Variants in DIAPH2 observed in about 807,000 individuals in gnomAD.
DIAPH2 encodes protein diaphanous homolog 2.
A neutral mutation model predicts 92.7 loss-of-function variants in DIAPH2; 35 were observed. That is an observed-to-expected ratio of 0.38 (90% CI 0.29 to 0.50). The LOEUF is 0.50. Among genes scored for constraint, DIAPH2 ranks in the 20% least tolerant of loss-of-function variants. DIAPH2 has a pLI of 0.94. For synonymous variants in DIAPH2, 301 were observed against 280.4 expected, an observed-to-expected ratio of 1.07 and a Z score of -0.73; for missense variants, 701 against 819.5, an observed-to-expected ratio of 0.86 and a Z score of 1.77.
At chrX:96,754,923 CAAAAAAAAAAAAA>C (rs1007573600) in intron 3 of DIAPH2, among the ~76,000 whole-genome samples, 5 of 16,007 alleles carry the variant, frequency 3.1e-4, no homozygotes, top group Non-Finnish European at 5.4e-4. Flanking sequence ...GTCTCCACCT[CAAAAAAAAAAAAA>C]AAAAAAAAAA....
chrX:96,773,488 C>T (rs2064354382), intron 4 of DIAPH2, among the ~76,000 whole-genome samples: 1 of 110,903 alleles, frequency 9.0e-6, no homozygotes, highest in Non-Finnish European at 1.9e-5. Context: ...CATCTGTAAG[C>T]CAAGGAGGGA....
At chrX:97,059,621 T>G (rs934152990) in intron 17 of DIAPH2, among the ~76,000 whole-genome samples, 3 of 112,654 alleles carry the variant, frequency 2.7e-5, no homozygotes, top group Non-Finnish European at 5.6e-5. Flanking sequence ...CTTTATATTG[T>G]ATTTTACATG....
At chrX:96,815,960 C>T (rs1356521047) in intron 4 of DIAPH2, among the ~76,000 whole-genome samples, 4 of 111,548 alleles carry the variant, frequency 3.6e-5, no homozygotes, top group East Asian at 2.8e-4. Context: ...CGTGAGCCAC[C>T]GCGCCTGGCC....
At chrX:97,011,344 T>G (rs2066224086) in intron 17 of DIAPH2, among the ~76,000 whole-genome samples, 1 of 111,874 alleles carries the variant, frequency 8.9e-6, no homozygotes, top group Non-Finnish European at 1.9e-5. Flanking sequence ...CAAAAAAATT[T>G]TGAGGATCTG....
At chrX:96,685,342 C>A in intron 1 of DIAPH2, 152 bp downstream of exon 1, 1 of 636,162 alleles carries the variant, frequency 1.6e-6, no homozygotes, top group Non-Finnish European at 2.1e-6. Flanking sequence ...GTGGCCACGC[C>A]GAGGCGCGGA....
intron 1 of DIAPH2, among the ~76,000 whole-genome samples, chrX:96,731,790 T>C (rs894405502): frequency 9.0e-6 from 1 of 111,554 alleles, no homozygotes; most frequent in African/African-American, 3.3e-5. Flanking sequence ...TAGCTGATCA[T>C]AAATGAAGTT....
chrX:97,045,216 A>G (rs921257464), intron 17 of DIAPH2, among the ~76,000 whole-genome samples: 1 of 112,342 alleles, frequency 8.9e-6, no homozygotes, highest in African/African-American at 3.2e-5. Context: ...GGCCTAAGCA[A>G]CTAGTTGATG....
intron 22 of DIAPH2, among the ~76,000 whole-genome samples, chrX:97,193,439 T>C (rs2067673041): frequency 8.9e-6 from 1 of 112,300 alleles, no homozygotes; most frequent in Non-Finnish European, 1.9e-5. Context: ...GCAGTTAATT[T>C]AGTTTCTCAA....
chrX:96,932,855 A>G (rs752590928), intron 10 of DIAPH2, among the ~76,000 whole-genome samples: 34 of 111,267 alleles, frequency 3.1e-4, no homozygotes, highest in Non-Finnish European at 7.5e-5. Flanking sequence ...CTATTGTGCT[A>G]CTGAACACTA....
Position 97,383,978 on chromosome X carries a change from G to C in DIAPH2, c.3079G>C (p.Glu1027Gln). Residue 1027 changes from glutamate to glutamine, a missense_variant, in exon 25 of 27, where the codon GAG becomes CAG. Around this residue, in one of 3 missense-constraint regions of DIAPH2, gnomAD observed 536 missense variants for 599.3 expected, o/e 0.89. Transcript: ENST00000324765. Reference protein sequence around the residue: ...EKTRRAKLAKEKAEQEKLERQ... With the variant: ...EKTRRAKLAKQKAEQEKLERQ... Reference sequence around the variant, plus strand: ...GACCAGGAGGGCAAAACTTGCAAAAGAGAAAGCTGAACAAGAAAAGTTAGA... The same window carrying C: ...GACCAGGAGGGCAAAACTTGCAAAACAGAAAGCTGAACAAGAAAAGTTAGA... 8.3e-7 allele frequency: 1 copy of C among 1,205,547 alleles called. No individual in the cohort carries two copies. Among genetic ancestry groups the C allele is most frequent in the Non-Finnish European group, 1.1e-6 (1 of 891,638 alleles).
At chrX:97,426,161 C>T (rs757333082) in intron 25 of DIAPH2, among the ~76,000 whole-genome samples, 2 of 111,504 alleles carry the variant, frequency 1.8e-5, no homozygotes, top group East Asian at 5.6e-4. Context: ...CCTTCTCTTG[C>T]CTGCTAAGTC....
chrX:96,840,709 C>T (rs984993607), intron 4 of DIAPH2, among the ~76,000 whole-genome samples: 6 of 110,529 alleles, frequency 5.4e-5, no homozygotes, highest in Admixed American at 9.6e-5. Context: ...CCTGGGTTCA[C>T]GCCATTCTCC....
At position 96,943,058 on chromosome X, in the gene DIAPH2, A is replaced by T. The variant is rs748615645; in HGVS notation, c.1444+922A>T. On this transcript the variant is annotated intron_variant, in intron 13 of 26. Coordinates refer to ENST00000324765, the MANE Select transcript of DIAPH2 (RefSeq NM_006729.5). ...ACATAAGTGACAAACCACCAATCAC[A>T]TTCGTGATCGCTCCCTTTTCAGCTT... Among the ~76,000 whole-genome samples, 10 of 110,906 alleles carry T rather than the reference A, an allele frequency of 9.0e-5. No individual in the cohort carries two copies. The South Asian group carries it at 3.8e-3, about 42-fold the overall frequency.
At chrX:97,034,277 G>A (rs2066395186) in intron 17 of DIAPH2, among the ~76,000 whole-genome samples, 1 of 110,851 alleles carries the variant, frequency 9.0e-6, no homozygotes, top group Non-Finnish European at 1.9e-5. Flanking sequence ...AAGCATTGTA[G>A]TCCACTTTTA....
intron 4 of DIAPH2, among the ~76,000 whole-genome samples, chrX:96,847,980 CTT>C (rs2064983022): frequency 9.0e-6 from 1 of 111,326 alleles, no homozygotes; most frequent in South Asian, 3.8e-4. Flanking sequence ...ATCCCCTTCT[CTT>C]GTTATTGGTA....
intron 1 of DIAPH2, among the ~76,000 whole-genome samples, chrX:96,731,563 CTT>C (rs989815293): frequency 1.2e-4 from 13 of 111,483 alleles, no homozygotes; most frequent in African/African-American, 4.2e-4. Flanking sequence ...AGAGTTGAAT[CTT>C]TACATCTTGC....
At chrX:97,158,511 A>G (rs2067341704) in intron 22 of DIAPH2, among the ~76,000 whole-genome samples, 1 of 112,214 alleles carries the variant, frequency 8.9e-6, no homozygotes. Context: ...GAGTACTGTA[A>G]CACCTTAATT....
intron 26 of DIAPH2, among the ~76,000 whole-genome samples, chrX:97,444,657 A>G (rs2070291358): frequency 8.9e-6 from 1 of 111,824 alleles, no homozygotes; most frequent in Non-Finnish European, 1.9e-5. Flanking sequence ...TGTTTGTGAC[A>G]TCATCTCAGT....
At chrX:97,534,168 C>G (rs749820159) in intron 26 of DIAPH2, among the ~76,000 whole-genome samples, 84 of 111,113 alleles carry the variant, frequency 7.6e-4, no homozygotes, top group Non-Finnish European at 1.3e-3. Flanking sequence ...CTTTAGTTTT[C>G]TGGAATTTGT....
Sources: allele counts gnomAD v4.1 joint callset (sites outside exome capture counted in the v4.1 genomes callset), GRCh38; gene constraint gnomAD v4.1.1; regional missense constraint gnomAD v4.1.1; transcripts MANE v1.5; gene names NCBI Gene and HGNC (gene_info 2026-07-23, HGNC 2026-07-21).